Variants in ATP13A3 observed in about 807,000 individuals in gnomAD.
ATP13A3 encodes polyamine-transporting ATPase 13A3.
ATP13A3 carries 59 observed loss-of-function variants against 158.1 expected under a neutral mutation model. The ratio of observed to expected loss-of-function variants is 0.37; its 90% CI spans 0.30 to 0.46. ATP13A3 has a LOEUF of 0.46. Ranked by LOEUF, ATP13A3 falls within the 20% of genes least tolerant of loss-of-function variation. The pLI, the probability that ATP13A3 is intolerant of heterozygous loss-of-function variation, is 1.00. For synonymous variants in ATP13A3, 491 were observed against 504.3 expected (o/e 0.97, Z 0.35); for missense variants, 1,166 against 1,525.2 (o/e 0.76, Z 3.92).
chr3:194,427,024 T>C (rs1383143628), intron 29 of ATP13A3, 51 bp downstream of exon 29: 1 of 1,531,836 alleles, frequency 6.5e-7, no homozygotes. Flanking sequence ...TTTTATATCA[T>C]ATATGTTGCA....
chr3:194,486,729 G>A lies in ATP13A3; in HGVS notation c.-252C>T, dbSNP rs1218331413. On this transcript the variant is annotated 5_prime_UTR_variant, in exon 1 of 34. Transcript: ENST00000645319. ...GCCGGCGCCGCGCGCTGCGGCTCAG[G>A]GTGAGGGAAGGAGGCGCCGCGGCGG... 1 of 150,468 alleles carries A rather than the reference G, an allele frequency of 6.6e-6. No homozygotes were observed. Among genetic ancestry groups the A allele is most frequent in the Non-Finnish European group, 1.5e-5 (1 of 67,414 alleles). 9.3% of individuals were successfully genotyped at this position (150,468 alleles called of 1,614,324 possible). A position where few individuals can be genotyped will look rare whatever the true frequency, so the allele number is the denominator to read the frequency against.
At chr3:194,471,074 A>G (rs1238957228) in intron 2 of ATP13A3, among the ~76,000 whole-genome samples, 2 of 152,164 alleles carry the variant, frequency 1.3e-5, no homozygotes, top group Admixed American at 1.3e-4. Flanking sequence ...ATATATGCCT[A>G]AACTTCTAAT....
intron 20 of ATP13A3, 43 bp from the exon 21 acceptor site, chr3:194,433,939 G>T (rs780197546): frequency 2.2e-5 from 35 of 1,580,512 alleles, no homozygotes; most frequent in Non-Finnish European, 2.8e-5. Context: ...TTAGTCAATT[G>T]AGTAAGCAAC....
At chr3:194,454,697 C>T (rs1245506376) in intron 8 of ATP13A3, among the ~76,000 whole-genome samples, 1 of 152,004 alleles carries the variant, frequency 6.6e-6, no homozygotes, top group African/African-American at 2.4e-5. Context: ...GGCATGGTGG[C>T]AGGCGCCTGT....
intron 2 of ATP13A3, among the ~76,000 whole-genome samples, chr3:194,464,865 C>T (rs1719895780): frequency 6.6e-6 from 1 of 152,120 alleles, no homozygotes; most frequent in African/African-American, 2.4e-5. Flanking sequence ...AATCCTCCCA[C>T]CTCAGCCTCC....
chr3:194,433,275 C>T (rs1429800682), intron 21 of ATP13A3, among the ~76,000 whole-genome samples: 3 of 126,986 alleles, frequency 2.4e-5, no homozygotes, highest in African/African-American at 3.1e-5. Context: ...CTCGCTCTGT[C>T]GCCCAGGCCG....
At chr3:194,478,929 A>G (rs1720637481) in intron 2 of ATP13A3, among the ~76,000 whole-genome samples, 4 of 152,214 alleles carry the variant, frequency 2.6e-5, no homozygotes, top group Admixed American at 6.5e-5. Flanking sequence ...TAGAAGTACC[A>G]ACACAGTCCT....
At chr3:194,427,303 C>A in intron 28 of ATP13A3, 51 bp from the exon 29 acceptor site, 2 of 1,457,970 alleles carry the variant, frequency 1.4e-6, no homozygotes, top group Non-Finnish European at 1.9e-6. Context: ...TAATCTATCA[C>A]TATATAAGGC....
At chr3:194,463,384 G>T in intron 2 of ATP13A3, among the ~76,000 whole-genome samples, 2 of 142,220 alleles carry the variant, frequency 1.4e-5, no homozygotes, top group African/African-American at 5.3e-5. Context: ...CTAACTTTTT[G>T]TTTTTTTAGA....
intron 20 of ATP13A3, among the ~76,000 whole-genome samples, chr3:194,435,330 T>C (rs555327929): frequency 6.6e-6 from 1 of 152,324 alleles, no homozygotes; most frequent in African/African-American, 2.4e-5. Flanking sequence ...TGGCTTCAGC[T>C]CGTCTCCTAA....
chr3:194,429,536 A>G (rs1185176328), intron 27 of ATP13A3, 142 bp downstream of exon 27: 5 of 488,572 alleles, frequency 1.0e-5, no homozygotes, highest in Non-Finnish European at 1.8e-5. Flanking sequence ...TATTCAAACT[A>G]CAGTAAATTG....
At chr3:194,457,044 C>T in intron 7 of ATP13A3, 50 bp downstream of exon 7, 1 of 1,400,168 alleles carries the variant, frequency 7.1e-7, no homozygotes, top group Non-Finnish European at 1.0e-6. Context: ...ATGTATACTA[C>T]TGCTTTTAGG....
intron 17 of ATP13A3, 99 bp from the exon 18 acceptor site, chr3:194,437,672 GA>G: frequency 1.6e-6 from 2 of 1,235,588 alleles, no homozygotes; most frequent in Non-Finnish European, 2.2e-6. Context: ...ACATTATTTG[GA>G]AAAGAAACAA....
chr3:194,450,374 A>G lies in ATP13A3; in HGVS notation c.839-98T>C, dbSNP rs1718719815. On this transcript the variant is annotated intron_variant, in intron 10 of 33. Transcript: ENST00000645319. ...CAGAAGTCATCTGATCTCAATAAGA[A>G]GTTTATAATGGGGTAAAATAGAAAA... 4.2e-6 allele frequency: 5 copies of G among 1,188,626 alleles called. No homozygotes were observed. The African/African-American group carries it at 6.2e-5, about 15-fold the overall frequency. 73.6% of individuals were successfully genotyped at this position (1,188,626 alleles called of 1,614,324 possible).
intron 33 of ATP13A3, 136 bp downstream of exon 33, chr3:194,412,063 G>A: frequency 1.6e-6 from 1 of 636,434 alleles, no homozygotes; most frequent in East Asian, 2.8e-5. Context: ...GAAAAAGGCT[G>A]AAGGAACACG....
chr3:194,429,943 A>G (rs1167789517), intron 26 of ATP13A3, 129 bp downstream of exon 26: 21 of 997,902 alleles, frequency 2.1e-5, no homozygotes, highest in African/African-American at 4.9e-5. Flanking sequence ...TCTGTTACTA[A>G]TAAGTTACAG....
chr3:194,483,102 G>A (rs1032751803), intron 2 of ATP13A3, among the ~76,000 whole-genome samples: 1 of 130,274 alleles, frequency 7.7e-6, no homozygotes, highest in Admixed American at 7.3e-5. Context: ...ACAAGACTCC[G>A]TCTCAAAAAA....
At chr3:194,425,193 TAAAAC>T in intron 30 of ATP13A3, 144 bp downstream of exon 30, 1 of 814,942 alleles carries the variant, frequency 1.2e-6, no homozygotes, top group Non-Finnish European at 1.9e-6. Flanking sequence ...CCAATGAAAG[TAAAAC>T]AAAACGGTAA....
chr3:194,408,572 GAAC>G (rs1715123822), intron 33 of ATP13A3, among the ~76,000 whole-genome samples: 1 of 152,248 alleles, frequency 6.6e-6, no homozygotes, highest in Admixed American at 6.5e-5. Context: ...TTTGCAAATA[GAAC>G]AATAACTGAA....
Sources: gnomAD v4.1 joint callset for allele counts (sites outside exome capture counted in the v4.1 genomes callset) on GRCh38, gnomAD v4.1.1 for gene constraint, MANE v1.5 for transcripts, NCBI Gene and HGNC (gene_info 2026-07-23, HGNC 2026-07-21) for gene names.